MCPH1: variants seen among roughly 807,000 people sequenced by gnomAD.
The protein encoded by MCPH1 is microcephalin 1.
In MCPH1, 104 loss-of-function variants were observed where a neutral mutation model predicts 84.5. The observed-to-expected ratio is 1.23, with a 90% CI of 1.05 to 1.45. The LOEUF is 1.45. Ranked by LOEUF, MCPH1 falls within the 40% of genes most tolerant of loss-of-function variation. MCPH1 has a pLI of 0.00. For synonymous variants in MCPH1, 514 were observed against 366.8 expected, an observed-to-expected ratio of 1.40 and a Z score of -4.58; for missense variants, 1,498 against 1,005.7, an observed-to-expected ratio of 1.49 and a Z score of -6.62.
intron 12 of MCPH1, among the ~76,000 whole-genome samples, chr8:6,555,217 A>G (rs1334664678): frequency 1.3e-5 from 2 of 152,146 alleles, no homozygotes; most frequent in Admixed American, 1.3e-4. Context: ...TCCAGTCTGT[A>G]GAATGTGAGA....
At chr8:6,421,790 A>G (rs984210821) in intron 3 of MCPH1, among the ~76,000 whole-genome samples, 1 of 152,106 alleles carries the variant, frequency 6.6e-6, no homozygotes, top group African/African-American at 2.4e-5. Context: ...AGTGTGCTGC[A>G]TGATGGTCCC....
chr8:6,576,963 C>T (rs1322620718), intron 12 of MCPH1, among the ~76,000 whole-genome samples: 1 of 152,094 alleles, frequency 6.6e-6, no homozygotes, highest in Non-Finnish European at 1.5e-5. Flanking sequence ...AGACGCAGGG[C>T]CCTGCCCATT....
intron 13 of MCPH1, among the ~76,000 whole-genome samples, chr8:6,623,985 G>A (rs1210948785): frequency 2.0e-5 from 3 of 152,218 alleles, no homozygotes; most frequent in African/African-American, 4.8e-5. Flanking sequence ...AGCGTGTGCC[G>A]TGCAGTGCCC....
intron 6 of MCPH1, 122 bp from the exon 7 acceptor site, chr8:6,441,945 T>C: frequency 1.4e-6 from 1 of 718,164 alleles, no homozygotes; most frequent in Non-Finnish European, 2.5e-6. Context: ...AGATCCCTTC[T>C]AACTTTGTGA....
intron 11 of MCPH1, among the ~76,000 whole-genome samples, chr8:6,488,410 T>C (rs1313284896): frequency 1.3e-5 from 2 of 152,222 alleles, no homozygotes; most frequent in African/African-American, 4.8e-5. Flanking sequence ...GTGCTAAGAA[T>C]GACTGATGTT....
intron 13 of MCPH1, among the ~76,000 whole-genome samples, chr8:6,629,785 C>T (rs1262153394): frequency 6.6e-6 from 1 of 152,242 alleles, no homozygotes; most frequent in African/African-American, 2.4e-5. Context: ...AACTGAGGGC[C>T]TCTGAGTTTC....
In MCPH1 at chr8:6,639,659, T is replaced by C. The variant is rs569627699; in HGVS notation, c.2453-3335T>C. On this transcript the variant is annotated intron_variant, in intron 13 of 13. Transcript: ENST00000344683. ...GTCTGGGCAATGGATCAAGATCCTG[T>C]CTCTTTAAAAAAAAAAAAAAACATA... Among the ~76,000 whole-genome samples the C allele has an allele frequency of 4.7e-5, 7 of 149,882 alleles. No individual in the cohort carries two copies. The South Asian group carries it at 1.5e-3, about 32-fold the overall frequency.
At chr8:6,496,650 G>T (rs2442478) in intron 11 of MCPH1, among the ~76,000 whole-genome samples, 3 of 151,860 alleles carry the variant, frequency 2.0e-5, no homozygotes, top group Non-Finnish European at 4.4e-5. Context: ...CTTGGATAAG[G>T]CTGGCTATTT....
At chr8:6,608,877 C>T (rs1173446271) in intron 12 of MCPH1, among the ~76,000 whole-genome samples, 1 of 152,170 alleles carries the variant, frequency 6.6e-6, no homozygotes, top group African/African-American at 2.4e-5. Context: ...CACCCTCCAT[C>T]CCGTGTTCTG....
At chr8:6,436,359 T>C (rs1802637700) in intron 5 of MCPH1, among the ~76,000 whole-genome samples, 197 bp downstream of exon 5, 1 of 152,248 alleles carries the variant, frequency 6.6e-6, no homozygotes, top group African/African-American at 2.4e-5. Flanking sequence ...CAGCTTGAGC[T>C]AATCGACCAC....
At chr8:6,431,212 G>A (rs1182063744) in intron 3 of MCPH1, among the ~76,000 whole-genome samples, 1 of 152,108 alleles carries the variant, frequency 6.6e-6, no homozygotes, top group Non-Finnish European at 1.5e-5. Context: ...TGAGTACCAT[G>A]CACTAATAAT....
At chr8:6,503,083 T>G (rs1247379823) in intron 12 of MCPH1, 1 of 1,614,020 alleles carries the variant, frequency 6.2e-7, no homozygotes, top group South Asian at 1.1e-5. Flanking sequence ...AGACAGTTCC[T>G]CAGGTGGACT....
At chr8:6,596,749 A>C (rs562266607) in intron 12 of MCPH1, among the ~76,000 whole-genome samples, 3 of 152,328 alleles carry the variant, frequency 2.0e-5, no homozygotes, top group Admixed American at 6.5e-5. Flanking sequence ...TAGAACTGAA[A>C]ACCCCAGCCA....
chr8:6,592,878 G>A (rs1828620420), intron 12 of MCPH1, among the ~76,000 whole-genome samples: 1 of 148,760 alleles, frequency 6.7e-6, no homozygotes. Flanking sequence ...TGTTGCTCAG[G>A]CTGGTCTCAA....
chr8:6,533,640 A>T (rs920562452), intron 12 of MCPH1, among the ~76,000 whole-genome samples: 1 of 143,056 alleles, frequency 7.0e-6, no homozygotes, highest in Admixed American at 7.4e-5. Flanking sequence ...GGTCCAAAGT[A>T]TAAGCTCGTG....
At chr8:6,615,597 C>T (rs11998083) in intron 12 of MCPH1, 52,670 of 152,004 alleles carry the variant, frequency 0.35, 9,160 homozygotes, top group South Asian at 0.42. Context: ...GGAAAGTAGA[C>T]CAATGTAAGC....
chr8:6,626,683 T>A (rs902821860), intron 13 of MCPH1: 2 of 985,128 alleles, frequency 2.0e-6, no homozygotes, highest in African/African-American at 3.5e-5. Context: ...AATTCCCATT[T>A]TATAAGTCAC....
intron 11 of MCPH1, among the ~76,000 whole-genome samples, chr8:6,497,902 C>G (rs1202707168): frequency 6.6e-6 from 1 of 152,130 alleles, no homozygotes; most frequent in African/African-American, 2.4e-5. Context: ...TTTATGATGT[C>G]CTATACCACA....
chr8:6,634,042 G>A (rs2129582586), intron 13 of MCPH1, among the ~76,000 whole-genome samples: 1 of 152,262 alleles, frequency 6.6e-6, no homozygotes, highest in East Asian at 1.9e-4. Context: ...CGCTTTTGAA[G>A]TTCTATGCTG....
Sources: gnomAD v4.1 joint callset for allele counts (sites outside exome capture counted in the v4.1 genomes callset) on GRCh38, gnomAD v4.1.1 for gene constraint, MANE v1.5 for transcripts, NCBI Gene and HGNC (gene_info 2026-07-23, HGNC 2026-07-21) for gene names.